Variants in ADNP observed in about 807,000 individuals in gnomAD.
The protein encoded by ADNP is activity-dependent neuroprotector homeobox protein.
ADNP carries 4 observed loss-of-function variants against 84.9 expected under a neutral mutation model. The observed-to-expected ratio is 0.05, with a 90% CI of 0.02 to 0.11. The LOEUF is 0.11. ADNP is among the 10% of genes least tolerant of loss of function. The pLI is 1.00. For synonymous variants in ADNP, 554 were observed against 468.1 expected, an observed-to-expected ratio of 1.18 and a Z score of -2.37; for missense variants, 1,132 against 1,326.0, an observed-to-expected ratio of 0.85 and a Z score of 2.27.
At chr20:50,902,530 G>T (rs1021859905) in intron 4 of ADNP, among the ~76,000 whole-genome samples, 1 of 152,124 alleles carries the variant, frequency 6.6e-6, no homozygotes, top group Admixed American at 6.5e-5. Flanking sequence ...TTTTCGAGGG[G>T]AGGGGGCAGG....
intron 2 of ADNP, among the ~76,000 whole-genome samples, chr20:50,927,836 G>A (rs1984390597): frequency 2.6e-5 from 4 of 152,136 alleles, no homozygotes; most frequent in Admixed American, 2.6e-4. Flanking sequence ...TATCCCATTC[G>A]CTAAATCAAA....
Position 50,892,387 on chromosome 20 carries a change from T to C in ADNP, c.2327A>G (p.Asn776Ser). 2.5e-6 allele frequency: 4 copies of C among 1,614,232 alleles called. No individual in the cohort carries two copies. Among genetic ancestry groups the C allele is most frequent in the Non-Finnish European group, 3.4e-6 (4 of 1,180,052 alleles). Reference protein sequence around the residue: ...ARKSFLTKYFNKQPYPTRREI... With the variant: ...ARKSFLTKYFSKQPYPTRREI... ...TCTCCTGGTGGGATAGGGCTGTTTG[T>C]TGAAATACTTTGTTAGAAAGCTTTT... Residue 776 changes from asparagine to serine, a missense_variant, in exon 6 of 6, where the codon AAC becomes AGC. This residue lies in a region of ADNP where 41 missense variants were observed against 78.4 expected (regional missense o/e 0.52). Transcript: ENST00000621696.
rs1980943858 is a variant in ADNP, at chr20:50,892,903, G to A, written c.1811C>T (p.Pro604Leu). 6.2e-7 allele frequency: 1 copy of A among 1,614,212 alleles called. No individual in the cohort carries two copies. Among genetic ancestry groups the A allele is most frequent in the Non-Finnish European group, 8.5e-7 (1 of 1,180,050 alleles). The change falls in exon 6 of 6, where the codon CCT (proline) becomes CTT (leucine). Residue 604 changes from proline to leucine, a missense_variant. Around this residue, in one of 10 missense-constraint regions of ADNP, gnomAD observed 53 missense variants for 39.8 expected, o/e 1.33. Transcript: ENST00000621696. ...TGCAGCTTGAGGTGAACTTTTTACA[G>A]GGATATCTGCCTTTTCCTGAACCTT... ...QPKVQEKADIPVKSSPQAAVP... is the reference protein window; with the variant it reads ...QPKVQEKADILVKSSPQAAVP...
chr20:50,920,281 A>AAAGAAAG (rs1555816098), intron 2 of ADNP, among the ~76,000 whole-genome samples: 1 of 139,168 alleles, frequency 7.2e-6, no homozygotes, highest in Admixed American at 7.6e-5. Flanking sequence ...AAAAAAAAAA[A>AAAGAAAG]AAAGAAAGAA....
intron 5 of ADNP, among the ~76,000 whole-genome samples, chr20:50,901,210 A>G (rs1471542588): frequency 6.6e-6 from 1 of 150,876 alleles, no homozygotes; most frequent in African/African-American, 2.4e-5. Context: ...CTTCTTTAGT[A>G]TTCAGCTATG....
chr20:50,889,140 C>G lies in ADNP; in HGVS notation c.*2265G>C, dbSNP rs557243724. On this transcript the variant is annotated 3_prime_UTR_variant, in exon 6 of 6. Coordinates refer to ENST00000621696, the MANE Select transcript of ADNP (RefSeq NM_001282531.3). ...ATTTCCAACTCTTAGGGTGGCTAAA[C>G]CCTTTTCTGAATGCCAAAAGGCACA... The G allele has an allele frequency of 2.6e-5, 4 of 152,142 alleles. No homozygotes were observed. Among genetic ancestry groups the G allele is most frequent in the African/African-American group, 9.7e-5 (4 of 41,438 alleles). The allele number at this position is 152,142 out of a possible 1,614,324, so 9.4% of individuals were successfully genotyped here. A position where few individuals can be genotyped will look rare whatever the true frequency, so the allele number is the denominator to read the frequency against.
intron 5 of ADNP, among the ~76,000 whole-genome samples, chr20:50,898,357 C>T (rs1039714347): frequency 1.3e-5 from 2 of 152,172 alleles, no homozygotes; most frequent in African/African-American, 4.8e-5. Flanking sequence ...ACACCTCAAA[C>T]ACACTTTTTG....
intron 2 of ADNP, among the ~76,000 whole-genome samples, chr20:50,910,124 A>C (rs1982894345): frequency 6.6e-6 from 1 of 152,220 alleles, no homozygotes; most frequent in Non-Finnish European, 1.5e-5. Context: ...TTTATGCAAA[A>C]TAATTACACT....
At chr20:50,929,709 T>C (rs1024327432) in intron 1 of ADNP, among the ~76,000 whole-genome samples, 9 of 151,290 alleles carry the variant, frequency 5.9e-5, no homozygotes, top group African/African-American at 2.2e-4. Context: ...TATCAAGCTA[T>C]CCAAGAGATT....
intron 2 of ADNP, chr20:50,914,481 T>G: frequency 2.7e-6 from 1 of 372,556 alleles, no homozygotes; most frequent in Non-Finnish European, 5.1e-6. Flanking sequence ...GCACAGGACA[T>G]CATCTACAAA....
In ADNP at chr20:50,892,631, T is replaced by C. The variant is rs2122747695; in HGVS notation, c.2083A>G (p.Asn695Asp). ...VHCRGVGKTQ[N>D]GQDKTNAPSR... The stretch of plus-strand genomic sequence containing the variant: ...GGTGCATTTGTCTTATCCTGGCCAT[T>C]TTGGGTCTTTCCAACGCCCCTGCAG... Residue 695 changes from asparagine to aspartate, a missense_variant, in exon 6 of 6, where the codon AAT becomes GAT. By Grantham distance (23) the Asn-to-Asp change is conservative (BLOSUM62 1). Around this residue, in one of 10 missense-constraint regions of ADNP, gnomAD observed 39 missense variants for 96.2 expected, o/e 0.41. Transcript: ENST00000621696. 1 of 1,614,188 alleles carries C rather than the reference T, an allele frequency of 6.2e-7. No homozygotes were observed. The highest frequency in any genetic ancestry group is 8.5e-7 in the Non-Finnish European group (1 of 1,180,036).
At chr20:50,898,622 T>C (rs1225279749) in intron 5 of ADNP, among the ~76,000 whole-genome samples, 1 of 152,256 alleles carries the variant, frequency 6.6e-6, no homozygotes, top group South Asian at 2.1e-4. Flanking sequence ...TCCACCTTCG[T>C]AGTCCTTAAT....
At chr20:50,916,812 TCTC>T (rs901186331) in intron 2 of ADNP, among the ~76,000 whole-genome samples, 3 of 152,062 alleles carry the variant, frequency 2.0e-5, no homozygotes, top group South Asian at 2.1e-4. Context: ...GTCTTCAGGG[TCTC>T]CTCAACTGCA....
At chr20:50,923,368 CAAGT>C (rs947190465) in intron 2 of ADNP, among the ~76,000 whole-genome samples, 4 of 152,144 alleles carry the variant, frequency 2.6e-5, no homozygotes, top group African/African-American at 9.7e-5. Context: ...ACTATGTTCT[CAAGT>C]TTTTCGAAGC....
At chr20:50,930,760 C>A in intron 1 of ADNP, 66 bp downstream of exon 1, 1 of 150,592 alleles carries the variant, frequency 6.6e-6, no homozygotes, top group South Asian at 1.9e-4. Context: ...GGCGGCCGCG[C>A]GGGCCGGGGT....
intron 4 of ADNP, 58 bp downstream of exon 4, chr20:50,903,831 C>T: frequency 1.5e-6 from 2 of 1,351,842 alleles, no homozygotes; most frequent in East Asian, 2.3e-5. Context: ...GCCACTGACA[C>T]AAAGTAATGG....
intron 2 of ADNP, among the ~76,000 whole-genome samples, chr20:50,922,099 G>A (rs186763147): frequency 1.3e-5 from 2 of 152,256 alleles, no homozygotes; most frequent in East Asian, 1.9e-4. Flanking sequence ...GCCCTTAAGG[G>A]GTGCTTTAGG....
intron 2 of ADNP, among the ~76,000 whole-genome samples, chr20:50,910,717 T>C (rs1982945593): frequency 6.6e-6 from 1 of 152,196 alleles, no homozygotes; most frequent in African/African-American, 2.4e-5. Context: ...TGCAGTGGTA[T>C]GATCACAGCT....
chr20:50,930,699 A>C (rs1984662773), intron 1 of ADNP, 127 bp downstream of exon 1: 1 of 152,120 alleles, frequency 6.6e-6, no homozygotes, highest in Non-Finnish European at 1.5e-5. Context: ...GTGCGGCTGG[A>C]GGGCGGCGAT....
Sources: gnomAD v4.1 joint callset for allele counts (sites outside exome capture counted in the v4.1 genomes callset) on GRCh38, gnomAD v4.1.1 for gene constraint, gnomAD v4.1.1 regional missense constraint, MANE v1.5 for transcripts, NCBI Gene and HGNC (gene_info 2026-07-23, HGNC 2026-07-21) for gene names.